Variants in ECE1 observed in about 807,000 individuals in gnomAD.
ECE1 encodes endothelin-converting enzyme 1.
ECE1 carries 35 observed loss-of-function variants against 98.6 expected under a neutral mutation model. The ratio of observed to expected loss-of-function variants is 0.35; its 90% CI spans 0.27 to 0.47. The LOEUF (loss-of-function observed/expected upper bound fraction) is 0.47. Ranked by LOEUF, ECE1 falls within the 20% of genes least tolerant of loss-of-function variation. The pLI is 1.00. For missense variants in ECE1, 814 were observed against 1,025.3 expected (o/e 0.79, Z 2.81); for synonymous variants, 394 against 407.1 (o/e 0.97, Z 0.39).
intron 4 of ECE1, among the ~76,000 whole-genome samples, chr1:21,269,540 T>C (rs1215038382): frequency 6.6e-6 from 1 of 152,206 alleles, no homozygotes; most frequent in African/African-American, 2.4e-5. Context: ...AAAATCTGGG[T>C]GACCTCTCTG....
At position 21,250,897 on chromosome 1, in the gene ECE1, C is replaced by T. The variant is rs1425024884; in HGVS notation, c.1021-3534G>A. Among the ~76,000 whole-genome samples, 6 of 152,288 alleles carry T rather than the reference C, an allele frequency of 3.9e-5. No individual in the cohort carries two copies. In the South Asian group the frequency reaches 6.2e-4, roughly 16 times the overall value. Reference sequence around the variant, plus strand: ...TGGTGGACGCCTGTAGTCCCAGCTACGCGGGAGGCTGAGGCAGGAGAATGG... The same window carrying T: ...TGGTGGACGCCTGTAGTCCCAGCTATGCGGGAGGCTGAGGCAGGAGAATGG... On this transcript the variant is annotated intron_variant, in intron 8 of 18. Coordinates refer to ENST00000374893, the MANE Select transcript of ECE1 (RefSeq NM_001397.3).
intron 2 of ECE1, among the ~76,000 whole-genome samples, chr1:21,284,819 C>A (rs528183498): frequency 1.3e-5 from 2 of 152,266 alleles, no homozygotes; most frequent in African/African-American, 4.8e-5. Context: ...CTGGGCTGCA[C>A]GAAGCAGCAA....
chr1:21,279,045 C>A, intron 3 of ECE1, 146 bp downstream of exon 3: 1 of 1,371,732 alleles, frequency 7.3e-7, no homozygotes. Context: ...CTTGGTCTAT[C>A]TCAGCACCCA....
intron 14 of ECE1, 76 bp from the exon 15 acceptor site, chr1:21,228,117 T>C: frequency 1.6e-6 from 2 of 1,220,940 alleles, no homozygotes; most frequent in Admixed American, 2.2e-5. Flanking sequence ...GGAGCGCTGC[T>C]TGGGGATCGG....
Position 21,322,655 on chromosome 1 carries a change from C to G in ECE1, c.3+22721G>C, listed in dbSNP as rs958097488. Among the ~76,000 whole-genome samples the G allele has an allele frequency of 1.3e-5, 2 of 152,188 alleles. No homozygotes were observed. The highest frequency in any genetic ancestry group is 2.9e-5 in the Non-Finnish European group (2 of 68,046). ...TGGCCCTGAGGGGTTGGAAGTTGAT[C>G]TAACCACCTAGCTGGGGAAAAGGAC... On this transcript the variant is annotated intron_variant, in intron 1 of 18. Transcript: ENST00000415912. The surrounding 1 kb of genome is among the most constrained non-coding windows in gnomAD (Gnocchi z 4.1).
intron 3 of ECE1, among the ~76,000 whole-genome samples, chr1:21,274,152 G>A (rs2098243774): frequency 6.6e-6 from 1 of 152,284 alleles, no homozygotes. Context: ...CCTAGTTAAA[G>A]AGGAAACTGA....
rs1039179932 is a variant in ECE1, at chr1:21,340,350, C to T, written c.3+5026G>A. Reference sequence around the variant, plus strand: ...TTCTGTCTTCACTGACTGCTCTGGGCAGCATGCCAGGGGCGTGGTTTGGGC... The same window carrying T: ...TTCTGTCTTCACTGACTGCTCTGGGTAGCATGCCAGGGGCGTGGTTTGGGC... On this transcript the variant is annotated intron_variant, in intron 1 of 18. Coordinates refer to the ECE1 transcript ENST00000415912. The surrounding 1 kb of genome is among the most constrained non-coding windows in gnomAD (Gnocchi z 4.6). 1.3e-5 allele frequency among the ~76,000 whole-genome samples: 2 copies of T among 152,258 alleles called. No homozygotes were observed. The highest frequency in any genetic ancestry group is 4.8e-5 in the African/African-American group (2 of 41,468).
chr1:21,326,427 G>A (rs1475124828), intron 1 of ECE1, among the ~76,000 whole-genome samples: 1 of 152,084 alleles, frequency 6.6e-6, no homozygotes. Context: ...CCCAGAGAGG[G>A]ATCAGACCCA....
At position 21,227,196 on chromosome 1, in the gene ECE1, G is replaced by A. The variant is rs371257870; in HGVS notation, c.1812C>T (p.Val604=). The A allele has an allele frequency of 1.4e-5, 22 of 1,614,004 alleles. No homozygotes were observed. In the East Asian group the frequency reaches 2.5e-4, roughly 18 times the overall value. The change falls in exon 16 of 19, where the codon GTC becomes GTT. Residue 604 remains valine (V), a synonymous_variant. Coordinates refer to ENST00000374893, the MANE Select transcript of ECE1 (RefSeq NM_001397.3). Reference sequence around the variant, plus strand: ...AAGCATGAGTCAGCTCATGGCCCACGACGACACCTATGCCACCAAAGTTTA... The same window carrying A: ...AAGCATGAGTCAGCTCATGGCCCACAACGACACCTATGCCACCAAAGTTTA... ...KALNFGGIGV[V]VGHELTHAFD...
intron 8 of ECE1, among the ~76,000 whole-genome samples, chr1:21,254,656 C>T (rs1017713822): frequency 2.0e-5 from 3 of 152,034 alleles, no homozygotes; most frequent in Admixed American, 1.3e-4. Flanking sequence ...GCTGAGAAAT[C>T]GGCTGGAACA....
chr1:21,337,699 C>G (rs1208924515), intron 1 of ECE1, among the ~76,000 whole-genome samples: 2 of 152,182 alleles, frequency 1.3e-5, no homozygotes, highest in African/African-American at 4.8e-5. Flanking sequence ...GAAACAGGAT[C>G]TGATTGAGCG....
At chr1:21,245,284 A>G (rs1451473916) in intron 9 of ECE1, among the ~76,000 whole-genome samples, 181 bp from the exon 10 acceptor site, 3 of 152,226 alleles carry the variant, frequency 2.0e-5, no homozygotes, top group African/African-American at 7.2e-5. Context: ...CTTCAAGGGA[A>G]AAGCCTGGGT....
At chr1:21,288,934 A>C (rs1378942787) in intron 2 of ECE1, among the ~76,000 whole-genome samples, 1 of 152,146 alleles carries the variant, frequency 6.6e-6, no homozygotes, top group Non-Finnish European at 1.5e-5. Context: ...GGTACCACAC[A>C]TCCCAGTGGG....
intron 1 of ECE1, among the ~76,000 whole-genome samples, chr1:21,325,253 C>T (rs1348271722): frequency 6.6e-6 from 1 of 152,194 alleles, no homozygotes; most frequent in African/African-American, 2.4e-5. Context: ...CCACTCTTTC[C>T]CTCCATGCAT....
At chr1:21,265,888 G>T (rs924871923) in intron 4 of ECE1, among the ~76,000 whole-genome samples, 4 of 152,114 alleles carry the variant, frequency 2.6e-5, no homozygotes, top group African/African-American at 9.7e-5. Context: ...GCACTTCTGC[G>T]GCCTCCTTGT....
chr1:21,235,993 G>T lies in ECE1; in HGVS notation c.1489-66C>A. On this transcript the variant is annotated intron_variant, in intron 12 of 18. Coordinates refer to ENST00000374893, the MANE Select transcript of ECE1 (RefSeq NM_001397.3). The surrounding 1 kb of genome is among the most constrained non-coding windows in gnomAD (Gnocchi z 4.2). ...CGACCAGGCCAGCCTGAGCAACTTG[G>T]GTGCTGGGCTCATAGTCTGGGCCAA... The T allele has an allele frequency of 6.7e-7, 1 of 1,482,140 alleles. No individual in the cohort carries two copies. The highest frequency in any genetic ancestry group is 9.4e-7 in the Non-Finnish European group (1 of 1,059,836). 91.8% of individuals were successfully genotyped at this position (1,482,140 alleles called of 1,614,324 possible).
At chr1:21,315,446 G>A (rs1716034) in intron 1 of ECE1, among the ~76,000 whole-genome samples, 8,021 of 152,140 alleles carry the variant, frequency 0.053, 726 homozygotes, top group African/African-American at 0.18. Context: ...CCCTCACGGC[G>A]TCTAGGACAA....
intron 1 of ECE1, among the ~76,000 whole-genome samples, chr1:21,315,959 C>T (rs1375060816): frequency 2.0e-5 from 3 of 152,120 alleles, no homozygotes; most frequent in Non-Finnish European, 4.4e-5. Flanking sequence ...TGGGACTTAA[C>T]CTCTCTGGTG....
Position 21,322,612 on chromosome 1 carries a change from C to G in ECE1, c.3+22764G>C, listed in dbSNP as rs1308616739. ...CTGCTGGCATAGGGGATGGGGACAC[C>G]AGTGTGGTGGCACTGTTTGGCCCTG... On this transcript the variant is annotated intron_variant, in intron 1 of 18. Transcript: ENST00000415912. The surrounding 1 kb of genome is among the most constrained non-coding windows in gnomAD (Gnocchi z 4.1). Among the ~76,000 whole-genome samples, 4 of 152,210 alleles carry G rather than the reference C, an allele frequency of 2.6e-5. No individual in the cohort carries two copies. Among genetic ancestry groups the G allele is most frequent in the African/African-American group, 9.6e-5 (4 of 41,452 alleles).
Sources: gnomAD v4.1 joint callset for allele counts (sites outside exome capture counted in the v4.1 genomes callset) on GRCh38, gnomAD v4.1.1 for gene constraint, Gnocchi (gnomAD v3.1) non-coding constraint, MANE v1.5 for transcripts, NCBI Gene and HGNC (gene_info 2026-07-23, HGNC 2026-07-21) for gene names.